The following SYN3 variants were observed in gnomAD, a reference collection of about 807,000 sequenced individuals.
SYN3 encodes synapsin III.
Under a neutral mutation model 65.8 loss-of-function variants are expected in SYN3, and 35 were observed. The observed-to-expected ratio is 0.53, with a 90% CI of 0.41 to 0.70. The LOEUF (loss-of-function observed/expected upper bound fraction) is 0.70. SYN3 is among the 30% of genes least tolerant of loss of function. The probability of loss-of-function intolerance (pLI) is 0.00; values close to 1 mark genes in which losing one functional copy is unlikely to be tolerated. For synonymous variants in SYN3, 270 were observed against 292.9 expected (o/e 0.92, Z 0.80); for missense variants, 680 against 749.0 (o/e 0.91, Z 1.08).
At chr22:32,723,327 G>T (rs1601983654) in intron 6 of SYN3, among the ~76,000 whole-genome samples, 1 of 152,196 alleles carries the variant, frequency 6.6e-6, no homozygotes, top group East Asian at 1.9e-4. Flanking sequence ...TCACTTCAGA[G>T]GATCAACATT....
chr22:32,602,977 T>TC (rs1339871086), intron 6 of SYN3, among the ~76,000 whole-genome samples: 3 of 147,758 alleles, frequency 2.0e-5, no homozygotes, highest in Non-Finnish European at 3.0e-5. Flanking sequence ...TTGGAGACAT[T>TC]CTTTTTTTTT....
intron 4 of SYN3, among the ~76,000 whole-genome samples, chr22:32,879,379 T>G: frequency 6.6e-6 from 1 of 152,200 alleles, no homozygotes; most frequent in East Asian, 1.9e-4. Flanking sequence ...CTGAGTGGCT[T>G]AAAAACAACA....
At position 32,696,374 on chromosome 22, in the gene SYN3, C is replaced by T. The variant is rs528203995; in HGVS notation, c.712-99638G>A. Among the ~76,000 whole-genome samples the T allele has an allele frequency of 4.6e-5, 7 of 152,334 alleles. No individual in the cohort carries two copies. The East Asian group carries it at 1.3e-3, about 29-fold the overall frequency. On this transcript the variant is annotated intron_variant, in intron 6 of 13. Transcript: ENST00000358763. ...TGCCTGGGCAATTGTTCCTTACCCA[C>T]TCCTCTCTATTATGGAAAGACAGGA...
At position 32,548,984 on chromosome 22, in the gene SYN3, C is replaced by G. The variant is rs573010953; in HGVS notation, c.775-7271G>C. On this transcript the variant is annotated intron_variant, in intron 7 of 13. Coordinates refer to ENST00000358763, the MANE Select transcript of SYN3 (RefSeq NM_003490.4). ...ATGAGACCCTGAAGACAGGGGTGGG[C>G]GGCCTAGAGCTGTGGATGGAGCTGG... Among the ~76,000 whole-genome samples the G allele has an allele frequency of 9.4e-4, 143 of 152,130 alleles. 1 individual carries two copies. Among genetic ancestry groups the G allele is most frequent in the African/African-American group, 3.4e-3 (140 of 41,488 alleles).
At chr22:32,531,168 A>T (rs1195285026) in intron 10 of SYN3, among the ~76,000 whole-genome samples, 1 of 150,608 alleles carries the variant, frequency 6.6e-6, no homozygotes, top group Non-Finnish European at 1.5e-5. Context: ...AAAAAAAAAA[A>T]AAAAAAAAAA....
intron 6 of SYN3, among the ~76,000 whole-genome samples, chr22:32,802,521 A>G (rs1176351143): frequency 2.6e-5 from 4 of 152,072 alleles, no homozygotes; most frequent in Non-Finnish European, 5.9e-5. Flanking sequence ...TAAAAAAAAA[A>G]AAAAAAGTTG....
chr22:32,880,033 G>T (rs2049085844), intron 4 of SYN3, among the ~76,000 whole-genome samples: 1 of 152,190 alleles, frequency 6.6e-6, no homozygotes, highest in Admixed American at 6.5e-5. Flanking sequence ...TTCCTGGGAT[G>T]ATTGTCTCCC....
intron 6 of SYN3, among the ~76,000 whole-genome samples, chr22:32,598,277 G>A (rs1465546194): frequency 6.6e-6 from 1 of 152,182 alleles, no homozygotes; most frequent in Non-Finnish European, 1.5e-5. Context: ...AAGCCATTCT[G>A]TGGCCCTCAT....
intron 6 of SYN3, among the ~76,000 whole-genome samples, chr22:32,825,036 G>T (rs1182130675): frequency 6.6e-6 from 1 of 152,180 alleles, no homozygotes; most frequent in African/African-American, 2.4e-5. Context: ...TGAAATCGCA[G>T]GCTGGGTCCA....
At chr22:32,609,751 C>T (rs552226643) in intron 6 of SYN3, among the ~76,000 whole-genome samples, 41 of 152,204 alleles carry the variant, frequency 2.7e-4, no homozygotes, top group Admixed American at 2.0e-3. Flanking sequence ...CTCAGCCTCT[C>T]AAAGTACTGG....
chr22:32,756,253 G>A (rs979442926), intron 6 of SYN3, among the ~76,000 whole-genome samples: 1 of 151,748 alleles, frequency 6.6e-6, no homozygotes, highest in African/African-American at 2.4e-5. Flanking sequence ...TCCCCTAACT[G>A]TAACATAAAG....
rs2054285880 is a variant in SYN3, at chr22:33,058,295, G to T, written c.-166C>A. On this transcript the variant is annotated 5_prime_UTR_variant, in exon 1 of 14. Coordinates refer to ENST00000358763, the MANE Select transcript of SYN3 (RefSeq NM_003490.4). Reference sequence around the variant, plus strand: ...TTTGCGGCGCCGCGCCGCTTACCGTGCGAGCCGCCAGGAACTCGGCGCCCG... The same window carrying T: ...TTTGCGGCGCCGCGCCGCTTACCGTTCGAGCCGCCAGGAACTCGGCGCCCG... The T allele has an allele frequency of 6.6e-6, 1 of 151,648 alleles. No individual in the cohort carries two copies. The highest frequency in any genetic ancestry group is 2.4e-5 in the African/African-American group (1 of 41,378). The allele number at this position is 151,648 out of a possible 1,614,324, so 9.4% of individuals were successfully genotyped here.
chr22:32,932,368 G>C (rs1443780364), intron 3 of SYN3, among the ~76,000 whole-genome samples: 1 of 152,040 alleles, frequency 6.6e-6, no homozygotes, highest in African/African-American at 2.4e-5. Context: ...GATGGGGTAA[G>C]CATCTGACTC....
intron 4 of SYN3, among the ~76,000 whole-genome samples, chr22:32,925,889 G>C (rs2050456459): frequency 7.6e-6 from 1 of 131,140 alleles, no homozygotes; most frequent in African/African-American, 2.8e-5. Flanking sequence ...TTTTGTGGCA[G>C]GGTCTCAATC....
At chr22:32,814,159 A>AGG (rs1234254406) in intron 6 of SYN3, among the ~76,000 whole-genome samples, 1 of 130,706 alleles carries the variant, frequency 7.7e-6, no homozygotes, top group Non-Finnish European at 1.6e-5. Flanking sequence ...AGAGAGAGAG[A>AGG]GAGAGAGAAA....
intron 6 of SYN3, among the ~76,000 whole-genome samples, chr22:32,762,851 AG>A (rs1266979491): frequency 2.9e-4 from 41 of 141,348 alleles, no homozygotes; most frequent in African/African-American, 1.0e-3. Context: ...ATCATCTCAA[AG>A]GGCTGTTGAG....
At chr22:32,692,823 C>T (rs2060684195) in intron 6 of SYN3, among the ~76,000 whole-genome samples, 3 of 152,152 alleles carry the variant, frequency 2.0e-5, no homozygotes, top group Admixed American at 6.5e-5. Flanking sequence ...ATTTAAATTA[C>T]ATTTCAAAAT....
chr22:32,962,292 C>T (rs8142585), intron 3 of SYN3, among the ~76,000 whole-genome samples: 29,987 of 151,734 alleles, frequency 0.2, 3,612 homozygotes, highest in Non-Finnish European at 0.27. Context: ...CCTGCCACCT[C>T]ACCCGGCTAA....
At chr22:32,656,613 T>C (rs2060145228) in intron 6 of SYN3, among the ~76,000 whole-genome samples, 1 of 152,244 alleles carries the variant, frequency 6.6e-6, no homozygotes, top group South Asian at 2.1e-4. Context: ...TTTGAGTCTG[T>C]AAAAGGAGTC....
Sources: gnomAD v4.1 joint callset for allele counts (sites outside exome capture counted in the v4.1 genomes callset) on GRCh38, gnomAD v4.1.1 for gene constraint, MANE v1.5 for transcripts, NCBI Gene and HGNC (gene_info 2026-07-23, HGNC 2026-07-21) for gene names.